NOX3: variants seen among roughly 807,000 people sequenced by gnomAD.
NOX3 encodes NADPH oxidase 3.
In NOX3, 74 loss-of-function variants were observed where a neutral mutation model predicts 76.7. That is an observed-to-expected ratio of 0.96 (90% CI 0.80 to 1.17). NOX3 has a LOEUF of 1.17. NOX3 is among the 50% of genes most tolerant of loss of function. The probability of loss-of-function intolerance (pLI) is 0.00; values close to 1 mark genes in which losing one functional copy is unlikely to be tolerated. For missense variants in NOX3, 695 were observed against 703.3 expected, an observed-to-expected ratio of 0.99 and a Z score of 0.13; for synonymous variants, 263 against 261.1, an observed-to-expected ratio of 1.01 and a Z score of -0.07.
chr6:155,397,208 G>T (rs1012122496), intron 12 of NOX3, among the ~76,000 whole-genome samples: 51 of 152,080 alleles, frequency 3.4e-4, no homozygotes, highest in African/African-American at 1.2e-3. Flanking sequence ...CTGGAAAGGG[G>T]CCATGAAACT....
intron 6 of NOX3, 63 bp from the exon 7 acceptor site, chr6:155,436,610 G>A: frequency 6.3e-7 from 1 of 1,581,942 alleles, no homozygotes; most frequent in Non-Finnish European, 8.7e-7. Context: ...ATTTTGAGCA[G>A]TCTTGTTCTC....
intron 10 of NOX3, 92 bp downstream of exon 10, chr6:155,422,602 A>T: frequency 7.9e-7 from 1 of 1,259,614 alleles, no homozygotes; most frequent in Non-Finnish European, 1.1e-6. Flanking sequence ...CTCATAGTTA[A>T]TTAAAATCCT....
At chr6:155,408,808 G>T (rs1469825241) in intron 11 of NOX3, among the ~76,000 whole-genome samples, 2 of 152,162 alleles carry the variant, frequency 1.3e-5, no homozygotes. Flanking sequence ...GCAGCAACAT[G>T]GGTGGAGCTG....
In NOX3 at chr6:155,440,157, C is replaced by A. The variant is rs747015782; in HGVS notation, c.487-20G>T. On this transcript the variant is annotated intron_variant, in intron 5 of 13. Coordinates refer to ENST00000159060, the MANE Select transcript of NOX3 (RefSeq NM_015718.3). ...TGTGTTCTAAAAAAAACAACAACAA[C>A]AAAAAAAGAAACAAACAAAAAAAAA... The A allele has an allele frequency of 1.2e-4, 180 of 1,482,238 alleles. No homozygotes were observed. The Middle Eastern group carries it at 1.6e-3, about 13-fold the overall frequency. The allele number at this position is 1,482,238 out of a possible 1,614,324, so 91.8% of individuals were successfully genotyped here.
chr6:155,400,621 A>T (rs1221031903), intron 12 of NOX3, among the ~76,000 whole-genome samples: 2 of 149,162 alleles, frequency 1.3e-5, no homozygotes, highest in East Asian at 4.1e-4. Context: ...AGAACCGCAG[A>T]TGATAATTGT....
chr6:155,402,157 T>C (rs1396632949), intron 12 of NOX3, among the ~76,000 whole-genome samples: 1 of 152,196 alleles, frequency 6.6e-6, no homozygotes, highest in Non-Finnish European at 1.5e-5. Flanking sequence ...TTACAAAAAA[T>C]GCAATACAGT....
chr6:155,453,613 A>C (rs992240226), intron 3 of NOX3, 125 bp from the exon 4 acceptor site: 1 of 730,462 alleles, frequency 1.4e-6, no homozygotes, highest in African/African-American at 1.7e-5. Flanking sequence ...ATGTGACACA[A>C]AAGTTAATGG....
At chr6:155,445,271 A>T (rs1316738698) in intron 4 of NOX3, among the ~76,000 whole-genome samples, 1 of 152,176 alleles carries the variant, frequency 6.6e-6, no homozygotes, top group African/African-American at 2.4e-5. Flanking sequence ...TTTCTTCTGC[A>T]CCCACAGTGA....
intron 7 of NOX3, 105 bp downstream of exon 7, chr6:155,436,313 C>A: frequency 7.6e-7 from 1 of 1,315,752 alleles, no homozygotes; most frequent in Non-Finnish European, 1.1e-6. Flanking sequence ...AAAGAGTTGG[C>A]TTTGTCTAGT....
At chr6:155,415,822 C>T (rs547031841) in intron 10 of NOX3, among the ~76,000 whole-genome samples, 4 of 152,358 alleles carry the variant, frequency 2.6e-5, no homozygotes, top group African/African-American at 7.2e-5. Context: ...ACAGTAAGTG[C>T]TCAGAAGATG....
intron 10 of NOX3, among the ~76,000 whole-genome samples, chr6:155,420,007 G>T (rs1162918363): frequency 2.0e-5 from 3 of 151,624 alleles, no homozygotes; most frequent in African/African-American, 7.3e-5. Flanking sequence ...TATATATATA[G>T]TTATCACATG....
intron 13 of NOX3, 115 bp from the exon 14 acceptor site, chr6:155,395,689 TA>T (rs372641984): frequency 1.3e-5 from 2 of 152,172 alleles, no homozygotes; most frequent in Admixed American, 6.5e-5. Flanking sequence ...AGAAAAATTC[TA>T]AAAAATTAAT....
intron 5 of NOX3, 45 bp from the exon 6 acceptor site, chr6:155,440,182 AC>A (rs1270785181): frequency 1.4e-6 from 2 of 1,451,788 alleles, no homozygotes; most frequent in Middle Eastern, 1.9e-4. Context: ...ACAAAAAAAA[AC>A]ACCTTGACAT....
chr6:155,442,545 G>A (rs1222435084), intron 5 of NOX3, among the ~76,000 whole-genome samples: 2 of 152,166 alleles, frequency 1.3e-5, no homozygotes, highest in South Asian at 4.1e-4. Flanking sequence ...TCTGGTCAAC[G>A]TGCTGCACAC....
At chr6:155,440,815 A>G (rs1776974965) in intron 5 of NOX3, among the ~76,000 whole-genome samples, 1 of 152,164 alleles carries the variant, frequency 6.6e-6, no homozygotes, top group African/African-American at 2.4e-5. Flanking sequence ...TATGTGGATC[A>G]CCATGCTTAA....
chr6:155,426,768 T>C (rs1226399281), intron 9 of NOX3, among the ~76,000 whole-genome samples: 1 of 152,002 alleles, frequency 6.6e-6, no homozygotes, highest in Admixed American at 6.5e-5. Context: ...ATGCACTCCA[T>C]AGGCAGAAAG....
At chr6:155,455,728 G>GTATCATTT (rs1467001843) in intron 1 of NOX3, 25 bp downstream of exon 1, 1 of 1,577,420 alleles carries the variant, frequency 6.3e-7, no homozygotes, top group East Asian at 2.2e-5. Flanking sequence ...TATATTTAAA[G>GTATCATTT]TTGAATAACA....
chr6:155,432,124 G>A lies in NOX3; in HGVS notation c.799-1189C>T, dbSNP rs567383182. On this transcript the variant is annotated intron_variant, in intron 7 of 13. Coordinates refer to ENST00000159060, the MANE Select transcript of NOX3 (RefSeq NM_015718.3). ...ATATATTCACGAGGTACATAGTGAT[G>A]TTTTGATACATACAATGTATCATGA... Among the ~76,000 whole-genome samples the A allele has an allele frequency of 1.7e-3, 252 of 152,082 alleles. 3 individuals carry two copies. The highest frequency in any genetic ancestry group is 3.0e-3 in the Non-Finnish European group (204 of 68,004).
At chr6:155,417,403 T>C (rs541667421) in intron 10 of NOX3, among the ~76,000 whole-genome samples, 14 of 152,320 alleles carry the variant, frequency 9.2e-5, no homozygotes, top group East Asian at 1.9e-4. Flanking sequence ...GTGTATTTCA[T>C]TGGACTCTTT....
Sources: gnomAD v4.1 joint callset for allele counts (sites outside exome capture counted in the v4.1 genomes callset) on GRCh38, gnomAD v4.1.1 for gene constraint, MANE v1.5 for transcripts, NCBI Gene and HGNC (gene_info 2026-07-23, HGNC 2026-07-21) for gene names.